Variants in TMEM132C observed in about 807,000 individuals in gnomAD.
TMEM132C encodes the protein protein phosphatase 1, regulatory subunit 152.
TMEM132C carries 29 observed loss-of-function variants against 61.4 expected under a neutral mutation model. That is an observed-to-expected ratio of 0.47 (90% CI 0.35 to 0.64). The LOEUF is 0.64. Among genes scored for constraint, TMEM132C ranks in the 30% least tolerant of loss-of-function variants. TMEM132C has a pLI of 0.00. For synonymous variants in TMEM132C, 656 were observed against 633.1 expected (o/e 1.04, Z -0.54); for missense variants, 1,408 against 1,476.9 (o/e 0.95, Z 0.76).
At chr12:128,675,048 G>C (rs1162868955) in intron 5 of TMEM132C, among the ~76,000 whole-genome samples, 1 of 152,004 alleles carries the variant, frequency 6.6e-6, no homozygotes, top group Non-Finnish European at 1.5e-5. Flanking sequence ...AGGAGGACTT[G>C]GGTTTTATGA....
At chr12:128,544,642 A>AG (rs34102688) in intron 3 of TMEM132C, among the ~76,000 whole-genome samples, 65,703 of 149,180 alleles carry the variant, frequency 0.44, 15,571 homozygotes, top group Non-Finnish European at 0.53. Context: ...GCACAATTAT[A>AG]GCGGGGGGAA....
chr12:128,452,062 A>AT (rs1265567060), intron 2 of TMEM132C, among the ~76,000 whole-genome samples: 4 of 152,086 alleles, frequency 2.6e-5, no homozygotes, highest in African/African-American at 9.7e-5. Flanking sequence ...ATTTTCTTTT[A>AT]TTTTTTAAAA....
At chr12:128,657,136 C>T (rs1040427162) in intron 4 of TMEM132C, among the ~76,000 whole-genome samples, 5 of 152,084 alleles carry the variant, frequency 3.3e-5, no homozygotes, top group South Asian at 2.1e-4. Context: ...GTGAAGGGAG[C>T]GCCCCCCTCC....
At chr12:128,692,388 C>T (rs1391320863) in intron 5 of TMEM132C, among the ~76,000 whole-genome samples, 2 of 152,188 alleles carry the variant, frequency 1.3e-5, no homozygotes, top group Admixed American at 6.5e-5. Flanking sequence ...GTACTTTTTG[C>T]CTTCAAAGAT....
chr12:128,287,471 C>G (rs1262485890), intron 1 of TMEM132C, among the ~76,000 whole-genome samples: 1 of 150,612 alleles, frequency 6.6e-6, no homozygotes, highest in Non-Finnish European at 1.5e-5. Flanking sequence ...CTCTCTCTCT[C>G]CCCCTCTGTC....
At chr12:128,343,257 C>T (rs928747158) in intron 1 of TMEM132C, among the ~76,000 whole-genome samples, 2 of 152,018 alleles carry the variant, frequency 1.3e-5, no homozygotes, top group Non-Finnish European at 1.5e-5. Flanking sequence ...AACCCCGTCT[C>T]TACTAAAAAT....
At chr12:128,501,295 T>C (rs1287197984) in intron 2 of TMEM132C, among the ~76,000 whole-genome samples, 1 of 152,182 alleles carries the variant, frequency 6.6e-6, no homozygotes, top group East Asian at 1.9e-4. Flanking sequence ...TGAAGGCTGG[T>C]GGTCAATTTT....
intron 4 of TMEM132C, among the ~76,000 whole-genome samples, chr12:128,637,524 A>G (rs1038528576): frequency 2.0e-5 from 3 of 152,220 alleles, no homozygotes; most frequent in Admixed American, 1.3e-4. Flanking sequence ...CTCTGTATTT[A>G]CCACAATCTT....
At chr12:128,372,338 C>G (rs546136290) in intron 1 of TMEM132C, among the ~76,000 whole-genome samples, 53 of 152,236 alleles carry the variant, frequency 3.5e-4, no homozygotes, top group African/African-American at 1.2e-3. Flanking sequence ...AGGTTTTCTG[C>G]CTCATGTAAC....
chr12:128,565,563 A>C (rs1874666196), intron 3 of TMEM132C, among the ~76,000 whole-genome samples: 2 of 152,218 alleles, frequency 1.3e-5, no homozygotes, highest in Non-Finnish European at 2.9e-5. Flanking sequence ...GAACTTTATA[A>C]TTTGCAAAAA....
intron 2 of TMEM132C, among the ~76,000 whole-genome samples, chr12:128,521,616 A>G (rs1872910104): frequency 6.6e-6 from 1 of 152,196 alleles, no homozygotes; most frequent in African/African-American, 2.4e-5. Flanking sequence ...GCTAAATGTT[A>G]GAGACAAATC....
At chr12:128,592,755 C>T (rs1328205656) in intron 3 of TMEM132C, among the ~76,000 whole-genome samples, 1 of 152,238 alleles carries the variant, frequency 6.6e-6, no homozygotes, top group Non-Finnish European at 1.5e-5. Context: ...GCGAGGACCC[C>T]CAGGCTCCCA....
chr12:128,352,911 G>C lies in TMEM132C; in HGVS notation c.86-61821G>C, dbSNP rs1482100375. Among the ~76,000 whole-genome samples, 5 of 152,164 alleles carry C rather than the reference G, an allele frequency of 3.3e-5. No individual in the cohort carries two copies. The South Asian group carries it at 1.0e-3, about 32-fold the overall frequency. On this transcript the variant is annotated intron_variant, in intron 1 of 8. Transcript: ENST00000435159. The stretch of plus-strand genomic sequence containing the variant: ...AAATACCTTTTTCTAATTTAGTTCA[G>C]TGAGGAAGTGTGACATCTGGAAGCA...
At chr12:128,385,073 A>G (rs1300004152) in intron 1 of TMEM132C, among the ~76,000 whole-genome samples, 2 of 152,202 alleles carry the variant, frequency 1.3e-5, no homozygotes, top group African/African-American at 4.8e-5. Flanking sequence ...GGATGGCAAC[A>G]GCGTGATGAG....
intron 2 of TMEM132C, among the ~76,000 whole-genome samples, chr12:128,472,461 C>G (rs1476644971): frequency 6.6e-6 from 1 of 152,172 alleles, no homozygotes; most frequent in Non-Finnish European, 1.5e-5. Context: ...CCTTAGTAGG[C>G]CATTATGCAC....
chr12:128,495,853 G>A lies in TMEM132C; in HGVS notation c.975-48104G>A, dbSNP rs531377114. On this transcript the variant is annotated intron_variant, in intron 2 of 8. Coordinates refer to ENST00000435159, the MANE Select transcript of TMEM132C (RefSeq NM_001136103.3). ...TTACATTTAAGGTTAATATTGTTAT[G>A]TGTGAATTTGATCCTGTCATTATGA... Among the ~76,000 whole-genome samples the A allele has an allele frequency of 2.9e-3, 448 of 152,204 alleles. 1 individual carries two copies. Among genetic ancestry groups the A allele is most frequent in the Middle Eastern group, 0.014 (4 of 294 alleles).
chr12:128,452,897 A>G (rs1870224837), intron 2 of TMEM132C, among the ~76,000 whole-genome samples: 1 of 152,172 alleles, frequency 6.6e-6, no homozygotes, highest in Admixed American at 6.5e-5. Flanking sequence ...TTTTTCATTT[A>G]TGAAGATAAT....
chr12:128,611,887 G>A lies in TMEM132C; in HGVS notation c.1122-4265G>A, dbSNP rs370475610. Reference sequence around the variant, plus strand: ...GAGATGCTCCCTTAAAATGAACAGAGCGGAACCAGCGACACCAAATCGCCC... The same window carrying A: ...GAGATGCTCCCTTAAAATGAACAGAACGGAACCAGCGACACCAAATCGCCC... On this transcript the variant is annotated intron_variant, in intron 3 of 8. Transcript: ENST00000435159. Among the ~76,000 whole-genome samples, 6 of 152,330 alleles carry A rather than the reference G, an allele frequency of 3.9e-5. 2 individuals carry two copies. Among genetic ancestry groups the A allele is most frequent in the Admixed American group, 1.3e-4 (2 of 15,290 alleles).
At position 128,415,568 on chromosome 12, in the gene TMEM132C, A is replaced by G. The variant is rs1289309682; in HGVS notation, c.922A>G (p.Thr308Ala). ...GCCAGTCAAGCAGGGAGAGGTGGTC[A>G]CGGCCTATGTCACCATCTCGAGCAA... Reference protein sequence around the residue: ...SRPVKQGEVVTAYVTISSNSS... With the variant: ...SRPVKQGEVVAAYVTISSNSS... The change falls in exon 2 of 9, where the codon ACG (threonine) becomes GCG (alanine). Residue 308 changes from threonine (T) to alanine (A), a missense_variant. Physicochemically the swap from Thr to Ala is moderately conservative, Grantham distance 58. Coordinates refer to ENST00000435159, the MANE Select transcript of TMEM132C (RefSeq NM_001136103.3). This position sits in a 1 kb window ranked among gnomAD's most constrained non-coding sequence, Gnocchi z 5.8. The G allele has an allele frequency of 4.5e-6, 7 of 1,550,522 alleles. No individual in the cohort carries two copies. The highest frequency in any genetic ancestry group is 6.1e-6 in the Non-Finnish European group (7 of 1,146,654).
Sources: gnomAD v4.1 joint callset for allele counts (sites outside exome capture counted in the v4.1 genomes callset) on GRCh38, gnomAD v4.1.1 for gene constraint, Gnocchi (gnomAD v3.1) non-coding constraint, MANE v1.5 for transcripts, NCBI Gene and HGNC (gene_info 2026-07-23, HGNC 2026-07-21) for gene names.